The following CSMD1 variants were observed in gnomAD, a reference collection of about 807,000 sequenced individuals.
CSMD1 encodes the protein CUB and Sushi multiple domains 1.
In CSMD1, 213 loss-of-function variants were observed where a neutral mutation model predicts 417.5. That is an observed-to-expected ratio of 0.51 (90% CI 0.46 to 0.57). The LOEUF (loss-of-function observed/expected upper bound fraction) is 0.57, where lower values mean the gene tolerates loss of function less well. CSMD1 is among the 20% of genes least tolerant of loss of function. CSMD1 has a pLI of 0.00. For synonymous variants in CSMD1, 2,862 were observed against 1,736.8 expected (o/e 1.65, Z -16.11); for missense variants, 6,923 against 4,529.7 (o/e 1.53, Z -15.17).
rs754486623 is a variant in CSMD1 at position 3,142,624 on chromosome 8, G to A, written c.6082C>T (p.Leu2028Phe). Residue 2028 changes from leucine to phenylalanine, a missense_variant, in exon 41 of 70, where the codon CTT (leucine) becomes TTT (phenylalanine). Physicochemically the swap from Leu to Phe is conservative, Grantham distance 22. Coordinates refer to ENST00000635120, the MANE Select transcript of CSMD1 (RefSeq NM_033225.6). ...TGGTAAGGTCCATTTTGAATTTCAAGGAAGTCATGATTAGCTTCGGTAGAA... is the reference window on the plus strand; with the variant it reads ...TGGTAAGGTCCATTTTGAATTTCAAAGAAGTCATGATTAGCTTCGGTAGAA... ...NFSTEANHDF[L>F]EIQNGPYHTS... 18 of 1,613,838 alleles carry A rather than the reference G, an allele frequency of 1.1e-5. No homozygotes were observed. The highest frequency in any genetic ancestry group is 1.4e-5 in the Non-Finnish European group (17 of 1,179,878).
chr8:3,658,297 A>G (rs970544299), intron 7 of CSMD1, among the ~76,000 whole-genome samples: 1 of 152,060 alleles, frequency 6.6e-6, no homozygotes, highest in South Asian at 2.1e-4. Context: ...ATTTGTGTAT[A>G]AACAATGGAT....
At chr8:4,408,356 C>T (rs979753462) in intron 3 of CSMD1, among the ~76,000 whole-genome samples, 2 of 152,154 alleles carry the variant, frequency 1.3e-5, no homozygotes, top group African/African-American at 4.8e-5. Context: ...CTGGAAAGGG[C>T]GTATCATCCT....
chr8:4,429,638 A>G (rs773382678), intron 2 of CSMD1, among the ~76,000 whole-genome samples: 11 of 152,156 alleles, frequency 7.2e-5, no homozygotes, highest in Admixed American at 3.3e-4. Context: ...AAACGAATGC[A>G]CAGAGGAGGG....
At chr8:4,454,519 A>C (rs1025593692) in intron 2 of CSMD1, among the ~76,000 whole-genome samples, 1 of 152,180 alleles carries the variant, frequency 6.6e-6, no homozygotes, top group Non-Finnish European at 1.5e-5. Flanking sequence ...AAGCAAAGAA[A>C]AAGTGTGGTT....
At chr8:3,377,921 C>G (rs995661646) in intron 18 of CSMD1, among the ~76,000 whole-genome samples, 5 of 152,198 alleles carry the variant, frequency 3.3e-5, no homozygotes, top group Non-Finnish European at 2.9e-5. Context: ...CTCTTTCTAT[C>G]TAACTTTATG....
chr8:3,670,348 A>T (rs1649302773), intron 7 of CSMD1, among the ~76,000 whole-genome samples: 1 of 151,344 alleles, frequency 6.6e-6, no homozygotes, highest in Non-Finnish European at 1.5e-5. Context: ...CTGTTTTGGG[A>T]CTCGGGCTGG....
intron 1 of CSMD1, among the ~76,000 whole-genome samples, chr8:4,796,686 C>G (rs926416976): frequency 4.6e-5 from 7 of 152,184 alleles, no homozygotes; most frequent in African/African-American, 1.7e-4. Flanking sequence ...ACGTGGTGGA[C>G]TCATCCATTG....
In CSMD1 at chr8:4,321,480, G is replaced by A. The variant is rs1030661240; in HGVS notation, c.415+98473C>T. On this transcript the variant is annotated intron_variant, in intron 3 of 69. Transcript: ENST00000635120. ...ATCACTCTCTTAATTCCTCAGTGAT[G>A]CAAGTTAGACAAACAAACCCACAGC... 3.0e-4 allele frequency among the ~76,000 whole-genome samples: 45 copies of A among 152,066 alleles called. 1 individual carries two copies. The highest frequency in any genetic ancestry group is 9.9e-4 in the African/African-American group (41 of 41,408).
At chr8:3,137,756 T>C (rs973597066) in intron 41 of CSMD1, among the ~76,000 whole-genome samples, 1 of 152,220 alleles carries the variant, frequency 6.6e-6, no homozygotes, top group East Asian at 1.9e-4. Context: ...AGTCTGTGCA[T>C]GTTCAGTGGA....
chr8:4,416,055 C>A (rs903155228), intron 3 of CSMD1, among the ~76,000 whole-genome samples: 2 of 152,084 alleles, frequency 1.3e-5, no homozygotes, highest in Non-Finnish European at 2.9e-5. Context: ...GTGAAGATTT[C>A]CTAAGAAAAG....
chr8:3,777,789 C>T (rs111463501), intron 5 of CSMD1, among the ~76,000 whole-genome samples: 4 of 125,634 alleles, frequency 3.2e-5, no homozygotes, highest in East Asian at 2.5e-4. Context: ...AGACCCACAG[C>T]CTCCTTGAAG....
At chr8:3,804,214 G>C (rs1159808819) in intron 5 of CSMD1, among the ~76,000 whole-genome samples, 1 of 152,060 alleles carries the variant, frequency 6.6e-6, no homozygotes, top group African/African-American at 2.4e-5. Context: ...TTACAAGTGT[G>C]AGCCACTACA....
chr8:3,404,820 T>A (rs1812248818), intron 15 of CSMD1, among the ~76,000 whole-genome samples: 1 of 152,202 alleles, frequency 6.6e-6, no homozygotes, highest in African/African-American at 2.4e-5. Flanking sequence ...CTGAGACGCT[T>A]TGAGCTTATG....
At chr8:3,289,918 T>A (rs1803426595) in intron 25 of CSMD1, among the ~76,000 whole-genome samples, 1 of 147,638 alleles carries the variant, frequency 6.8e-6, no homozygotes, top group Admixed American at 6.7e-5. Flanking sequence ...GTGTCCTGAA[T>A]GGTATTGTTT....
At chr8:3,352,658 G>A (rs1029715715) in intron 21 of CSMD1, among the ~76,000 whole-genome samples, 1 of 152,084 alleles carries the variant, frequency 6.6e-6, no homozygotes, top group African/African-American at 2.4e-5. Flanking sequence ...TGGCCAACAT[G>A]GTGAAACCCT....
intron 11 of CSMD1, among the ~76,000 whole-genome samples, chr8:3,469,979 T>A (rs1240398304): frequency 6.6e-6 from 1 of 152,228 alleles, no homozygotes; most frequent in Non-Finnish European, 1.5e-5. Context: ...TTCTTTCTTA[T>A]TCATACATTT....
At chr8:4,305,327 G>A (rs908733414) in intron 3 of CSMD1, among the ~76,000 whole-genome samples, 1 of 152,132 alleles carries the variant, frequency 6.6e-6, no homozygotes, top group Non-Finnish European at 1.5e-5. Context: ...CACAAAGCCA[G>A]GCAGCAAGAG....
At chr8:4,964,787 G>T (rs186890054) in intron 1 of CSMD1, among the ~76,000 whole-genome samples, 2 of 152,234 alleles carry the variant, frequency 1.3e-5, no homozygotes, top group African/African-American at 2.4e-5. Context: ...GAATGAAATT[G>T]TTCTTTTTAT....
intron 5 of CSMD1, among the ~76,000 whole-genome samples, chr8:3,779,435 TTTAAG>T (rs1223226741): frequency 6.6e-6 from 1 of 152,150 alleles, no homozygotes; most frequent in Non-Finnish European, 1.5e-5. Flanking sequence ...AGAAAGATCG[TTTAAG>T]TTGTCATTTT....
Sources: gnomAD v4.1 joint callset for allele counts (sites outside exome capture counted in the v4.1 genomes callset) on GRCh38, gnomAD v4.1.1 for gene constraint, MANE v1.5 for transcripts, NCBI Gene and HGNC (gene_info 2026-07-23, HGNC 2026-07-21) for gene names.